The following BAHCC1 variants were observed in gnomAD, a reference collection of about 807,000 sequenced individuals.
BAHCC1 encodes the protein BAH domain and coiled-coil containing 1.
In BAHCC1, 43 loss-of-function variants were observed where a neutral mutation model predicts 88.2. The observed-to-expected ratio is 0.49, with a 90% CI of 0.38 to 0.63. The LOEUF (loss-of-function observed/expected upper bound fraction) is 0.63. BAHCC1 is among the 20% of genes least tolerant of loss of function. BAHCC1 has a pLI of 0.00. For missense variants in BAHCC1, 3,023 were observed against 1,654.8 expected (o/e 1.83, Z -14.34); for synonymous variants, 1,510 against 745.5 (o/e 2.03, Z -16.71).
chr17:81,446,078 C>T (rs1006999543), intron 10 of BAHCC1, among the ~76,000 whole-genome samples: 7 of 146,146 alleles, frequency 4.8e-5, no homozygotes, highest in South Asian at 2.4e-4. Context: ...GGCAGCGAGG[C>T]GGGGTGCCTG....
intron 15 of BAHCC1, among the ~76,000 whole-genome samples, chr17:81,455,786 C>T (rs998048503): frequency 3.9e-5 from 6 of 152,098 alleles, no homozygotes; most frequent in Non-Finnish European, 8.8e-5. Context: ...TGTGGGGGGG[C>T]TCCCCACGCT....
chr17:81,395,599 T>G lies in BAHCC1; in HGVS notation c.-243T>G, dbSNP rs2063738848. ...ACAAAGTCACATTTACTGATTTAATTGTATTGCATTCAGTTGTATCCAGGA... is the reference window on the plus strand; with the variant it reads ...ACAAAGTCACATTTACTGATTTAATGGTATTGCATTCAGTTGTATCCAGGA... On this transcript the variant is annotated 5_prime_UTR_variant, in exon 1 of 28. The change creates a new upstream start codon in the 5' untranslated region. Transcript: ENST00000675386. 6.6e-6 allele frequency: 1 copy of G among 152,210 alleles called. No individual in the cohort carries two copies. The highest frequency in any genetic ancestry group is 1.5e-5 in the Non-Finnish European group (1 of 68,044). 9.4% of individuals were successfully genotyped at this position (152,210 alleles called of 1,614,324 possible).
chr17:81,418,827 G>GTGTGTA (rs2064076443), intron 2 of BAHCC1, among the ~76,000 whole-genome samples: 1 of 148,356 alleles, frequency 6.7e-6, no homozygotes, highest in South Asian at 2.1e-4. Context: ...GTGTGTGTGT[G>GTGTGTA]TGTGTAGCCA....
rs1246344057 is a variant in BAHCC1 at position 81,443,533 on chromosome 17, G to A, written c.2184G>A (p.Ala728=). 2.9e-5 allele frequency: 19 copies of A among 662,906 alleles called. No homozygotes were observed. Among genetic ancestry groups the A allele is most frequent in the Admixed American group, 8.8e-5 (4 of 45,518 alleles). 41.1% of individuals were successfully genotyped at this position (662,906 alleles called of 1,614,324 possible). A position where few individuals can be genotyped will look rare whatever the true frequency, so the allele number is the denominator to read the frequency against. ...RSEAAYGTNT[A]RQGRAAPAFK... is the part of the protein sequence containing the mutation. Reference sequence around the variant, plus strand: ...AGGCAGCCTACGGCACCAACACTGCGCGGCAGGGCCGGGCCGCCCCCGCCT... The same window carrying A: ...AGGCAGCCTACGGCACCAACACTGCACGGCAGGGCCGGGCCGCCCCCGCCT... Residue 728 remains alanine, a synonymous_variant, in exon 5 of 28, where the codon GCG becomes GCA. Coordinates refer to ENST00000675386, the MANE Select transcript of BAHCC1 (RefSeq NM_001377448.1).
At chr17:81,419,344 A>C (rs1250992063) in intron 2 of BAHCC1, among the ~76,000 whole-genome samples, 3 of 152,216 alleles carry the variant, frequency 2.0e-5, no homozygotes, top group Non-Finnish European at 4.4e-5. Context: ...TCCCCTCTGC[A>C]TCCACGCAGG....
intron 1 of BAHCC1, among the ~76,000 whole-genome samples, chr17:81,397,979 C>T (rs1367536935): frequency 6.6e-6 from 1 of 152,152 alleles, no homozygotes; most frequent in Non-Finnish European, 1.5e-5. Context: ...AAATAGTCTG[C>T]AAATAAGACG....
intron 2 of BAHCC1, among the ~76,000 whole-genome samples, chr17:81,420,137 C>T (rs1387671302): frequency 3.3e-5 from 5 of 152,208 alleles, no homozygotes; most frequent in Non-Finnish European, 7.3e-5. Context: ...CCGGGGAGTC[C>T]TGGGCTCCAG....
At chr17:81,446,262 GT>G (rs1489261276) in intron 10 of BAHCC1, among the ~76,000 whole-genome samples, 5 of 152,090 alleles carry the variant, frequency 3.3e-5, no homozygotes, top group Admixed American at 6.5e-5. Flanking sequence ...GGGTTTTTCC[GT>G]TTTTTTCCCT....
In BAHCC1 at chr17:81,443,234, G is replaced by A. The variant is rs564568199; in HGVS notation, c.1885G>A (p.Glu629Lys). 6 of 779,356 alleles carry A rather than the reference G, an allele frequency of 7.7e-6. No homozygotes were observed. The highest frequency in any genetic ancestry group is 4.5e-4 in the Middle Eastern group (2 of 4,464). 48.3% of individuals were successfully genotyped at this position (779,356 alleles called of 1,614,324 possible). ...LPQELPAPPDEVSAMKNLLKY... is the reference protein window; with the variant it reads ...LPQELPAPPDKVSAMKNLLKY... ...CCAGGAACTGCCTGCGCCGCCGGAC[G>A]AGGTCTCAGCCATGAAGAACCTGCT... The change falls in exon 5 of 28, where the codon GAG becomes AAG. Residue 629 changes from glutamate to lysine, a missense_variant. Transcript: ENST00000675386.
At position 81,444,491 on chromosome 17, in the gene BAHCC1, C is replaced by G. The variant is rs540092359; in HGVS notation, c.2435C>G (p.Ala812Gly). Residue 812 changes from alanine (A) to glycine (G), a missense_variant, in exon 7 of 28, where the codon GCC becomes GGC. Transcript: ENST00000675386. ...AGCGGCCAGCTGGGCGGGGACCCAGCCCCCCACACCCACCCCCATCCCCCC... is the reference window on the plus strand; with the variant it reads ...AGCGGCCAGCTGGGCGGGGACCCAGGCCCCCACACCCACCCCCATCCCCCC... ...MQSGQLGGDP[A>G]PHTHPHPPWL... 1.4e-6 allele frequency: 1 copy of G among 706,016 alleles called. No homozygotes were observed. Among genetic ancestry groups the G allele is most frequent in the Non-Finnish European group, 2.6e-6 (1 of 382,864 alleles). 43.7% of individuals were successfully genotyped at this position (706,016 alleles called of 1,614,324 possible).
chr17:81,414,645 G>A (rs971088768), intron 2 of BAHCC1, among the ~76,000 whole-genome samples: 3 of 152,210 alleles, frequency 2.0e-5, no homozygotes, highest in Non-Finnish European at 2.9e-5. Flanking sequence ...CGTGTGTGTC[G>A]TGAGGACGTG....
At chr17:81,425,949 TTGG>T (rs1208993406) in intron 2 of BAHCC1, among the ~76,000 whole-genome samples, 5 of 142,688 alleles carry the variant, frequency 3.5e-5, no homozygotes, top group African/African-American at 1.3e-4. Context: ...GGTGATGTGG[TTGG>T]TGGTGATGTG....
At chr17:81,397,861 T>C (rs767783836) in intron 1 of BAHCC1, among the ~76,000 whole-genome samples, 6 of 152,186 alleles carry the variant, frequency 3.9e-5, no homozygotes, top group Non-Finnish European at 8.8e-5. Context: ...GACCCATTTA[T>C]TTACAATGCA....
chr17:81,458,789 A>C (rs781822907), intron 19 of BAHCC1, 24 bp from the exon 20 acceptor site: 1 of 760,992 alleles, frequency 1.3e-6, no homozygotes, highest in Non-Finnish European at 2.5e-6. Flanking sequence ...CACCCCACCC[A>C]AGCCTGACTC....
At chr17:81,427,279 G>A (rs1175901254) in intron 3 of BAHCC1, among the ~76,000 whole-genome samples, 1 of 152,162 alleles carries the variant, frequency 6.6e-6, no homozygotes, top group Non-Finnish European at 1.5e-5. Context: ...AAAATGTGGA[G>A]CACAGCTGGG....
In BAHCC1 at chr17:81,455,378, G is replaced by T. The variant is rs1555657033; in HGVS notation, c.4557G>T (p.Gln1519His). The T allele has an allele frequency of 2.8e-6, 2 of 716,270 alleles. No individual in the cohort carries two copies. Among genetic ancestry groups the T allele is most frequent in the Non-Finnish European group, 2.6e-6 (1 of 384,910 alleles). The allele number at this position is 716,270 out of a possible 1,614,324, so 44.4% of individuals were successfully genotyped here. A position where few individuals can be genotyped will look rare whatever the true frequency, so the allele number is the denominator to read the frequency against. Residue 1519 changes from glutamine to histidine, a missense_variant, in exon 15 of 28, where the codon CAG (glutamine) becomes CAT (histidine). By Grantham distance (24) the Gln-to-His change is conservative. Coordinates refer to ENST00000675386, the MANE Select transcript of BAHCC1 (RefSeq NM_001377448.1). ...AGAGGAGCGTCTATGCGGGCCTGCA[G>T]ACTGCCTCCGTGGTGAGTGCCGAGG... ...KLERSVYAGL[Q>H]TASVEKAQCK...
rs1555657647 is a variant in BAHCC1, at chr17:81,457,572, A to G, written c.5021A>G (p.Lys1674Arg). ...GCCAACCAGAAGGCCAAGAAGAAGA[A>G]GGAGAGGCAGGGGTTGCTAGGTAAC... ...MEANQKAKKKKERQGLLGACR... is the reference protein window; with the variant it reads ...MEANQKAKKKRERQGLLGACR... The change falls in exon 17 of 28, where the codon AAG (lysine) becomes AGG (arginine). Residue 1674 changes from lysine to arginine, a missense_variant. Physicochemically the swap from Lys to Arg is conservative, Grantham distance 26. Transcript: ENST00000675386. The G allele has an allele frequency of 1.3e-6, 1 of 744,070 alleles. No homozygotes were observed. The highest frequency in any genetic ancestry group is 1.9e-5 in the Admixed American group (1 of 53,238). 46.1% of individuals were successfully genotyped at this position (744,070 alleles called of 1,614,324 possible).
At chr17:81,429,494 G>A (rs1360566214) in intron 3 of BAHCC1, among the ~76,000 whole-genome samples, 1 of 152,052 alleles carries the variant, frequency 6.6e-6, no homozygotes, top group Admixed American at 6.5e-5. Flanking sequence ...CAGGGTGAGA[G>A]GCTGGCTGGC....
In BAHCC1 at chr17:81,458,980, C is replaced by T. The variant is rs1347034185; in HGVS notation, c.5605+11C>T. On this transcript the variant is annotated intron_variant, in intron 20 of 27. Coordinates refer to ENST00000675386, the MANE Select transcript of BAHCC1 (RefSeq NM_001377448.1). The stretch of plus-strand genomic sequence containing the variant: ...AGAGCGCCGCCCTAGGTGAGCAGGG[C>T]CAGGAAGGGTGCCAGCCGCCTGGGG... 1.4e-6 allele frequency: 1 copy of T among 721,728 alleles called. No individual in the cohort carries two copies. The highest frequency in any genetic ancestry group is 2.6e-6 in the Non-Finnish European group (1 of 386,126). The allele number at this position is 721,728 out of a possible 1,614,324, so 44.7% of individuals were successfully genotyped here. A position where few individuals can be genotyped will look rare whatever the true frequency, so the allele number is the denominator to read the frequency against.
Sources: allele counts gnomAD v4.1 joint callset (sites outside exome capture counted in the v4.1 genomes callset), GRCh38; gene constraint gnomAD v4.1.1; transcripts MANE v1.5; gene names NCBI Gene and HGNC (gene_info 2026-07-23, HGNC 2026-07-21).